Variants in MRPS27 observed in about 807,000 individuals in gnomAD.
MRPS27 encodes small ribosomal subunit protein mS27.
Under a neutral mutation model 48.9 loss-of-function variants are expected in MRPS27, and 43 were observed. That is an observed-to-expected ratio of 0.88 (90% CI 0.69 to 1.13). The LOEUF (loss-of-function observed/expected upper bound fraction) is 1.13. MRPS27 is among the 50% of genes most tolerant of loss of function. The probability of loss-of-function intolerance (pLI) is 0.00; values close to 1 mark genes in which losing one functional copy is unlikely to be tolerated. For missense variants in MRPS27, 467 were observed against 476.3 expected, an observed-to-expected ratio of 0.98 and a Z score of 0.18; for synonymous variants, 188 against 171.9, an observed-to-expected ratio of 1.09 and a Z score of -0.73.
intron 4 of MRPS27, among the ~76,000 whole-genome samples, chr5:72,240,623 C>G (rs1364864081): frequency 6.6e-6 from 1 of 152,082 alleles, no homozygotes; most frequent in East Asian, 1.9e-4. Flanking sequence ...AAACACCTTT[C>G]TCTTATTCAT....
chr5:72,252,230 T>C (rs1474141492), intron 4 of MRPS27, among the ~76,000 whole-genome samples: 1 of 152,232 alleles, frequency 6.6e-6, no homozygotes, highest in Non-Finnish European at 1.5e-5. Context: ...CACATTCCCA[T>C]GCAACCATAG....
At chr5:72,311,561 T>C (rs1253318137) in intron 2 of MRPS27, among the ~76,000 whole-genome samples, 2 of 152,134 alleles carry the variant, frequency 1.3e-5, no homozygotes, top group African/African-American at 4.8e-5. Flanking sequence ...ATCACGGAAG[T>C]GGGACTGGTG....
At chr5:72,269,211 C>T (rs1749173473) in intron 4 of MRPS27, among the ~76,000 whole-genome samples, 1 of 152,172 alleles carries the variant, frequency 6.6e-6, no homozygotes, top group African/African-American at 2.4e-5. Flanking sequence ...AGGTACAAGG[C>T]TGCATCTTTC....
rs78220271 is a variant in MRPS27, at chr5:72,277,771, G to A, written c.281+17760C>T. Among the ~76,000 whole-genome samples, 1,321 of 152,244 alleles carry A rather than the reference G, an allele frequency of 8.7e-3. 27 individuals carry two copies. Among genetic ancestry groups the A allele is most frequent in the African/African-American group, 0.029 (1,200 of 41,542 alleles). On this transcript the variant is annotated intron_variant, in intron 4 of 10. Coordinates refer to ENST00000261413, the MANE Select transcript of MRPS27 (RefSeq NM_015084.3). ...TACTGTGCAGCCATAAAAAAGGAAC[G>A]AGATCATGTCCTTTGCAGGGAAAGG...
At chr5:72,277,519 G>T (rs906146543) in intron 4 of MRPS27, among the ~76,000 whole-genome samples, 1 of 151,924 alleles carries the variant, frequency 6.6e-6, no homozygotes, top group African/African-American at 2.4e-5. Context: ...CAGGAGAATC[G>T]CTTGAACCAG....
chr5:72,241,419 A>G (rs963358966), intron 4 of MRPS27: 5 of 535,808 alleles, frequency 9.3e-6, no homozygotes, highest in Non-Finnish European at 1.7e-5. Context: ...AAGCAAATGA[A>G]CTCCTTTCTT....
At chr5:72,316,257 TG>T (rs1471467248) in intron 1 of MRPS27, among the ~76,000 whole-genome samples, 1 of 152,212 alleles carries the variant, frequency 6.6e-6, no homozygotes, top group African/African-American at 2.4e-5. Context: ...CAATTGCAAA[TG>T]GGCATGGAAT....
intron 2 of MRPS27, among the ~76,000 whole-genome samples, chr5:72,308,879 A>G (rs1750358066): frequency 6.6e-6 from 1 of 152,218 alleles, no homozygotes; most frequent in Non-Finnish European, 1.5e-5. Flanking sequence ...CAAGGGGCTT[A>G]GGGACTCCTC....
intron 4 of MRPS27, among the ~76,000 whole-genome samples, chr5:72,271,416 G>C (rs1053619667): frequency 6.6e-6 from 1 of 152,042 alleles, no homozygotes; most frequent in African/African-American, 2.4e-5. Context: ...AACAAGACTT[G>C]CAAATGCCTA....
At chr5:72,304,635 C>A (rs759089705) in intron 2 of MRPS27, among the ~76,000 whole-genome samples, 7 of 152,116 alleles carry the variant, frequency 4.6e-5, no homozygotes, top group Non-Finnish European at 4.4e-5. Flanking sequence ...CTGGTGCACA[C>A]CAAAGTAACA....
chr5:72,294,265 G>A (rs1048352070), intron 4 of MRPS27, among the ~76,000 whole-genome samples: 3 of 151,126 alleles, frequency 2.0e-5, no homozygotes, highest in Non-Finnish European at 4.4e-5. Context: ...AATACAGTAA[G>A]CTTTAAAAAA....
chr5:72,221,842 G>A (rs927242471), intron 10 of MRPS27, among the ~76,000 whole-genome samples: 6 of 152,028 alleles, frequency 3.9e-5, no homozygotes, highest in Admixed American at 6.6e-5. Context: ...TGTATTGCCT[G>A]CTTACAGCTC....
chr5:72,270,268 A>G (rs1409411708), intron 4 of MRPS27, among the ~76,000 whole-genome samples: 3 of 149,676 alleles, frequency 2.0e-5, no homozygotes, highest in Non-Finnish European at 4.4e-5. Flanking sequence ...AACTATCATA[A>G]AGCAAAGTAA....
rs548193672 is a variant in MRPS27, at chr5:72,242,654, G to A, written c.282-4526C>T. Among the ~76,000 whole-genome samples the A allele has an allele frequency of 8.9e-5, 11 of 124,210 alleles. No individual in the cohort carries two copies. In the South Asian group the frequency reaches 2.4e-3, roughly 27 times the overall value. 81.5% of individuals were successfully genotyped at this position (124,210 alleles called of 152,430 possible). On this transcript the variant is annotated intron_variant, in intron 4 of 10. Coordinates refer to ENST00000261413, the MANE Select transcript of MRPS27 (RefSeq NM_015084.3). ...TTGAGACCAGTCTAGGCAACACAGC[G>A]AGACCCCGTCTACACACACACACAC...
intron 2 of MRPS27, among the ~76,000 whole-genome samples, chr5:72,298,128 G>A (rs555331400): frequency 1.3e-3 from 200 of 152,164 alleles, no homozygotes; most frequent in African/African-American, 4.7e-3. Flanking sequence ...CACAAACTAC[G>A]CATCCGACAA....
chr5:72,278,742 T>TA (rs1561351365), intron 4 of MRPS27, among the ~76,000 whole-genome samples: 1 of 152,164 alleles, frequency 6.6e-6, no homozygotes, highest in African/African-American at 2.4e-5. Context: ...ACCTTTTTTT[T>TA]ACTCATTATG....
chr5:72,268,478 A>G (rs1394625035), intron 4 of MRPS27, among the ~76,000 whole-genome samples: 1 of 152,210 alleles, frequency 6.6e-6, no homozygotes, highest in African/African-American at 2.4e-5. Flanking sequence ...AGGAGGATGA[A>G]ACATACCAGT....
At position 72,287,340 on chromosome 5, in the gene MRPS27, A is replaced by T. The variant is rs553909511; in HGVS notation, c.281+8191T>A. Among the ~76,000 whole-genome samples, 21 of 152,304 alleles carry T rather than the reference A, an allele frequency of 1.4e-4. No individual in the cohort carries two copies. The South Asian group carries it at 3.7e-3, about 27-fold the overall frequency. ...AAAAAAAAGTTGATAAATTGGACTT[A>T]CATAAAAAATAAAAACAGGTTGGGT... On this transcript the variant is annotated intron_variant, in intron 4 of 10. Transcript: ENST00000261413.
At chr5:72,283,982 A>G (rs898963292) in intron 4 of MRPS27, among the ~76,000 whole-genome samples, 1 of 152,026 alleles carries the variant, frequency 6.6e-6, no homozygotes, top group Non-Finnish European at 1.5e-5. Flanking sequence ...TTTTCTCTAT[A>G]TGCATAGACA....
Sources: allele counts gnomAD v4.1 joint callset (sites outside exome capture counted in the v4.1 genomes callset), GRCh38; gene constraint gnomAD v4.1.1; transcripts MANE v1.5; gene names NCBI Gene and HGNC (gene_info 2026-07-23, HGNC 2026-07-21).